The following EPC2 variants were observed in gnomAD, a reference collection of about 807,000 sequenced individuals.
EPC2 encodes the protein enhancer of polycomb 2.
A neutral mutation model predicts 92.1 loss-of-function variants in EPC2; 14 were observed. That is an observed-to-expected ratio of 0.15 (90% CI 0.10 to 0.24). The LOEUF (loss-of-function observed/expected upper bound fraction) is 0.24, where lower values mean the gene tolerates loss of function less well. Among genes scored for constraint, EPC2 ranks in the 10% least tolerant of loss-of-function variants. EPC2 has a pLI of 1.00. For missense variants in EPC2, 755 were observed against 971.5 expected (o/e 0.78, Z 2.96); for synonymous variants, 340 against 334.7 (o/e 1.02, Z -0.17).
chr2:148,668,764 T>G (rs1046653522), intron 1 of EPC2, among the ~76,000 whole-genome samples: 17 of 152,214 alleles, frequency 1.1e-4, no homozygotes, highest in African/African-American at 4.1e-4. Context: ...TGGTCATTTG[T>G]GTCTTCTCAC....
chr2:148,646,519 A>C (rs1200420819), intron 1 of EPC2, among the ~76,000 whole-genome samples: 1 of 152,098 alleles, frequency 6.6e-6, no homozygotes, highest in Non-Finnish European at 1.5e-5. Flanking sequence ...GTGTGCATAT[A>C]TATAAATATG....
At chr2:148,730,968 T>C (rs1475987058) in intron 2 of EPC2, among the ~76,000 whole-genome samples, 2 of 152,232 alleles carry the variant, frequency 1.3e-5, no homozygotes, top group Non-Finnish European at 2.9e-5. Flanking sequence ...TTGTATCATA[T>C]AGCTTTTATC....
chr2:148,758,099 A>C (rs957324546), intron 4 of EPC2, among the ~76,000 whole-genome samples: 1 of 147,096 alleles, frequency 6.8e-6, no homozygotes, highest in Non-Finnish European at 1.5e-5. Flanking sequence ...TTTGAGCATC[A>C]AAATAGATTA....
chr2:148,668,528 C>T (rs1012555278), intron 1 of EPC2, among the ~76,000 whole-genome samples: 1 of 152,092 alleles, frequency 6.6e-6, no homozygotes, highest in Non-Finnish European at 1.5e-5. Context: ...TGTTTTTCTC[C>T]TTAAATATTT....
rs751633337 is a variant in EPC2, at chr2:148,771,381, A to G, written c.1714A>G (p.Ile572Val). Residue 572 changes from isoleucine to valine, a missense_variant, in exon 10 of 14, where the codon ATA (isoleucine) becomes GTA (valine). Ile to Val is a conservative substitution (Grantham distance 29, BLOSUM62 3). This residue lies in a region of EPC2 where 509 missense variants were observed against 607.7 expected (regional missense o/e 0.84). Coordinates refer to ENST00000258484, the MANE Select transcript of EPC2 (RefSeq NM_015630.4). ...TTTATTGAACACCAGCAAGAATGGC[A>G]TATCAGGTAAGCTGTTGCTGTGTTA... ...VALLNTSKNG[I>V]SVTGGITEEQ... 3 of 1,592,826 alleles carry G rather than the reference A, an allele frequency of 1.9e-6. No individual in the cohort carries two copies. The highest frequency in any genetic ancestry group is 2.6e-6 in the Non-Finnish European group (3 of 1,171,716).
rs186878736 is a variant in EPC2, at chr2:148,706,826, C to T, written c.313+16453C>T. Among the ~76,000 whole-genome samples, 27 of 152,208 alleles carry T rather than the reference C, an allele frequency of 1.8e-4. 1 individual carries two copies. The South Asian group carries it at 3.7e-3, about 21-fold the overall frequency. On this transcript the variant is annotated intron_variant, in intron 2 of 13. Coordinates refer to ENST00000258484, the MANE Select transcript of EPC2 (RefSeq NM_015630.4). Reference sequence around the variant, plus strand: ...AGATTTTTGTCACCACCAGGCTTGCCGTACAAGAGCTCCTGAAGGAAGCAC... The same window carrying T: ...AGATTTTTGTCACCACCAGGCTTGCTGTACAAGAGCTCCTGAAGGAAGCAC...
chr2:148,704,970 CG>C (rs1681963572), intron 2 of EPC2, among the ~76,000 whole-genome samples: 1 of 150,342 alleles, frequency 6.7e-6, no homozygotes, highest in Non-Finnish European at 1.5e-5. Context: ...ATGAATAGTA[CG>C]GGGAACCCAA....
chr2:148,767,242 C>T (rs1488186456), intron 7 of EPC2, among the ~76,000 whole-genome samples: 1 of 151,494 alleles, frequency 6.6e-6, no homozygotes, highest in African/African-American at 2.4e-5. Flanking sequence ...GTGCTATGAC[C>T]TACAGAAACT....
rs1283856517 is a variant in EPC2, at chr2:148,781,705, A to G, written c.1782A>G (p.Gln594=). 3 of 1,613,892 alleles carry G rather than the reference A, an allele frequency of 1.9e-6. No individual in the cohort carries two copies. The highest frequency in any genetic ancestry group is 2.7e-5 in the African/African-American group (2 of 74,940). Residue 594 remains glutamine (Q), a synonymous_variant, in exon 11 of 14, where the codon CAA becomes CAG. Coordinates refer to ENST00000258484, the MANE Select transcript of EPC2 (RefSeq NM_015630.4). ...ATCAGCAGCAGTTAGTTCAGATGCA[A>G]AGGCAGCAACTTGCCCAGCTTCAGC... is the stretch of plus-strand genomic sequence containing the variant. ...QTHQQQLVQM[Q]RQQLAQLQQK...
intron 2 of EPC2, among the ~76,000 whole-genome samples, chr2:148,726,532 T>C (rs2105394447): frequency 6.6e-6 from 1 of 152,272 alleles, no homozygotes; most frequent in Admixed American, 6.5e-5. Flanking sequence ...TCATTGTGGT[T>C]TTGATTTGCA....
chr2:148,785,367 G>T (rs1683846160), intron 13 of EPC2, among the ~76,000 whole-genome samples: 1 of 145,738 alleles, frequency 6.9e-6, no homozygotes, highest in South Asian at 2.2e-4. Context: ...TTGCTGTCTT[G>T]CCCAGGCTGG....
At chr2:148,680,747 C>G (rs1681377824) in intron 1 of EPC2, among the ~76,000 whole-genome samples, 2 of 152,022 alleles carry the variant, frequency 1.3e-5, no homozygotes, top group East Asian at 1.9e-4. Flanking sequence ...ATGGAAAGGT[C>G]AAGAAGCTGG....
chr2:148,711,369 G>T (rs1182739183), intron 2 of EPC2, among the ~76,000 whole-genome samples: 1 of 151,742 alleles, frequency 6.6e-6, no homozygotes, highest in Non-Finnish European at 1.5e-5. Flanking sequence ...AAATACTTGG[G>T]ATTCTAAGTA....
chr2:148,692,340 C>T (rs1043355531), intron 2 of EPC2: 1 of 154,224 alleles, frequency 6.5e-6, no homozygotes, highest in Non-Finnish European at 1.4e-5. Flanking sequence ...TTCTTTCTCT[C>T]CTTTTAGACT....
rs879739457 is a variant in EPC2 at position 148,739,830 on chromosome 2, C to CTTTT, written c.314-3790_314-3789insTTTT. ...TCTTTCTTCCTTTTCTTTTCTTCTT[C>CTTTT]TTCTTTTTTTTTTTTTTTTTTTTTT... On this transcript the variant is annotated intron_variant, in intron 2 of 13. Coordinates refer to ENST00000258484, the MANE Select transcript of EPC2 (RefSeq NM_015630.4). 8.3e-4 allele frequency among the ~76,000 whole-genome samples: 80 copies of CTTTT among 96,582 alleles called. 1 individual carries two copies. The highest frequency in any genetic ancestry group is 8.3e-3 in the East Asian group (21 of 2,540). The allele number at this position is 96,582 out of a possible 152,430, so 63.4% of individuals were successfully genotyped here. A position where few individuals can be genotyped will look rare whatever the true frequency, so the allele number is the denominator to read the frequency against.
intron 2 of EPC2, among the ~76,000 whole-genome samples, chr2:148,699,903 A>T (rs898091972): frequency 1.3e-5 from 2 of 152,142 alleles, no homozygotes; most frequent in African/African-American, 4.8e-5. Flanking sequence ...GTTTTGGGTC[A>T]GTTTTTGGAT....
rs773598260 is a variant in EPC2, at chr2:148,769,222, A to G, written c.1212A>G (p.Ala404=). ...PDGPCAFRRR[A]GCQYYAPRLD... ...GTCCCTGTGCTTTCAGAAGGCGGGCAGGATGCCAGTATTATGCTGTAAGAA... is the reference window on the plus strand; with the variant it reads ...GTCCCTGTGCTTTCAGAAGGCGGGCGGGATGCCAGTATTATGCTGTAAGAA... Residue 404 remains alanine (A), a synonymous_variant, in exon 8 of 14, where the codon GCA becomes GCG. Coordinates refer to ENST00000258484, the MANE Select transcript of EPC2 (RefSeq NM_015630.4). 70 of 1,610,900 alleles carry G rather than the reference A, an allele frequency of 4.3e-5. No homozygotes were observed. The highest frequency in any genetic ancestry group is 4.2e-5 in the Non-Finnish European group (49 of 1,178,600).
intron 2 of EPC2, among the ~76,000 whole-genome samples, chr2:148,735,384 T>TA (rs1558824317): frequency 6.6e-6 from 1 of 151,974 alleles, no homozygotes; most frequent in African/African-American, 2.4e-5. Context: ...ATTTGCCTCT[T>TA]ATCAATCACA....
intron 2 of EPC2, among the ~76,000 whole-genome samples, chr2:148,734,239 G>T (rs936312738): frequency 6.6e-6 from 1 of 151,670 alleles, no homozygotes; most frequent in African/African-American, 2.4e-5. Context: ...TGAAGCCCTA[G>T]TGACTTTAAG....
Sources: gnomAD v4.1 joint callset for allele counts (sites outside exome capture counted in the v4.1 genomes callset) on GRCh38, gnomAD v4.1.1 for gene constraint, gnomAD v4.1.1 regional missense constraint, MANE v1.5 for transcripts, NCBI Gene and HGNC (gene_info 2026-07-23, HGNC 2026-07-21) for gene names.